UBE2D2: variants seen among roughly 807,000 people sequenced by gnomAD.
The protein encoded by UBE2D2 is ubiquitin conjugating enzyme E2 D2.
A neutral mutation model predicts 24.2 loss-of-function variants in UBE2D2; 2 were observed. The observed-to-expected ratio is 0.08, with a 90% confidence interval of 0.03 to 0.26. The LOEUF is 0.26. UBE2D2 is among the 10% of genes least tolerant of loss of function. The pLI is 1.00. For missense variants in UBE2D2, 44 were observed against 177.6 expected (o/e 0.25, Z 4.28); for synonymous variants, 58 against 56.5 (o/e 1.03, Z -0.12).
intron 1 of UBE2D2, among the ~76,000 whole-genome samples, chr5:139,567,468 C>T (rs989544579): frequency 6.6e-6 from 1 of 151,002 alleles, no homozygotes; most frequent in Non-Finnish European, 1.5e-5. Context: ...ATTTGCCCGC[C>T]TTGGCCTCCC....
chr5:139,533,608 G>A (rs1467827687), intron 1 of UBE2D2, among the ~76,000 whole-genome samples: 3 of 150,970 alleles, frequency 2.0e-5, no homozygotes, highest in African/African-American at 7.3e-5. Context: ...CCAAGATCGC[G>A]CCATTGCACT....
rs1009336536 is a variant in UBE2D2, at chr5:139,586,633, T to C, written c.25-13739T>C. On this transcript the variant is annotated intron_variant, in intron 1 of 6. Coordinates refer to ENST00000398733, the MANE Select transcript of UBE2D2 (RefSeq NM_003339.3). Reference sequence around the variant, plus strand: ...ACAAAAAATTAGCCGGGCGTGGTGGTGGGTGCCTGTAGTCCCAGCTACTCA... The same window carrying C: ...ACAAAAAATTAGCCGGGCGTGGTGGCGGGTGCCTGTAGTCCCAGCTACTCA... Among the ~76,000 whole-genome samples the C allele has an allele frequency of 2.6e-5, 4 of 152,128 alleles. No homozygotes were observed. The East Asian group carries it at 7.7e-4, about 29-fold the overall frequency.
At chr5:139,586,284 T>C (rs1035071379) in intron 1 of UBE2D2, among the ~76,000 whole-genome samples, 3 of 152,086 alleles carry the variant, frequency 2.0e-5, no homozygotes, top group African/African-American at 7.2e-5. Context: ...TAAACTGCAA[T>C]TTATTGGATA....
intron 1 of UBE2D2, 135 bp downstream of exon 1, chr5:139,561,950 T>G: frequency 2.5e-6 from 3 of 1,221,372 alleles, no homozygotes; most frequent in Non-Finnish European, 2.2e-6. Flanking sequence ...GCGGCCTCCA[T>G]ACCCCACTCC....
At chr5:139,601,685 C>T (rs1386319946) in intron 2 of UBE2D2, among the ~76,000 whole-genome samples, 2 of 151,724 alleles carry the variant, frequency 1.3e-5, no homozygotes, top group Non-Finnish European at 2.9e-5. Flanking sequence ...CCGAGGCGGG[C>T]GGATCACGAG....
intron 1 of UBE2D2, among the ~76,000 whole-genome samples, chr5:139,577,127 CTCA>C (rs1418669485): frequency 6.6e-6 from 1 of 151,998 alleles, no homozygotes; most frequent in African/African-American, 2.4e-5. Context: ...CGTGGTCAGA[CTCA>C]TCATTTTGAA....
intron 1 of UBE2D2, among the ~76,000 whole-genome samples, chr5:139,570,211 C>T (rs1377100611): frequency 6.6e-6 from 1 of 152,124 alleles, no homozygotes; most frequent in East Asian, 1.9e-4. Flanking sequence ...GTTAAGGCTA[C>T]GGTGAGCTGT....
intron 1 of UBE2D2, among the ~76,000 whole-genome samples, chr5:139,548,459 C>A (rs1752867031): frequency 6.6e-6 from 1 of 151,988 alleles, no homozygotes; most frequent in Admixed American, 6.6e-5. Flanking sequence ...GCACTGTCAT[C>A]CCAGCCACAA....
intron 1 of UBE2D2, among the ~76,000 whole-genome samples, chr5:139,537,067 C>T (rs1752692851): frequency 6.6e-6 from 1 of 151,736 alleles, no homozygotes; most frequent in Non-Finnish European, 1.5e-5. Context: ...CCTGTAGTCC[C>T]AGCTACTCGG....
chr5:139,593,383 C>G (rs1395600951), intron 1 of UBE2D2, among the ~76,000 whole-genome samples: 1 of 151,958 alleles, frequency 6.6e-6, no homozygotes, highest in Admixed American at 6.6e-5. Context: ...AAGTCCTTAC[C>G]CTTGGGTTAG....
intron 2 of UBE2D2, among the ~76,000 whole-genome samples, chr5:139,609,382 T>C (rs1261057501): frequency 1.3e-5 from 2 of 151,972 alleles, no homozygotes; most frequent in Non-Finnish European, 2.9e-5. Flanking sequence ...ATCTCTTTTT[T>C]TTTTTGAGAT....
chr5:139,574,475 C>G (rs1753425616), intron 1 of UBE2D2, among the ~76,000 whole-genome samples: 1 of 151,796 alleles, frequency 6.6e-6, no homozygotes, highest in Admixed American at 6.6e-5. Flanking sequence ...CACCCCATCC[C>G]CTACCTCCTA....
chr5:139,614,910 G>A lies in UBE2D2; in HGVS notation c.248G>A (p.Ser83Asn). ...CATCCAAATATTAACAGTAATGGCA[G>A]CATTTGTCTTGATATTCTACGATCA... ...IYHPNINSNG[S>N]ICLDILRSQW... The change falls in exon 5 of 7, where the codon AGC becomes AAC. Residue 83 changes from serine to asparagine, a missense_variant. Transcript: ENST00000398733. The A allele has an allele frequency of 6.2e-7, 1 of 1,613,912 alleles. No homozygotes were observed. The highest frequency in any genetic ancestry group is 8.5e-7 in the Non-Finnish European group (1 of 1,179,938).
intron 5 of UBE2D2, among the ~76,000 whole-genome samples, chr5:139,622,218 GTT>G (rs1289999623): frequency 6.6e-6 from 1 of 151,846 alleles, no homozygotes; most frequent in Non-Finnish European, 1.5e-5. Context: ...TCTGCTATTT[GTT>G]TTATTTTATT....
chr5:139,622,776 G>C (rs1754537838), intron 5 of UBE2D2, among the ~76,000 whole-genome samples: 1 of 151,674 alleles, frequency 6.6e-6, no homozygotes, highest in Non-Finnish European at 1.5e-5. Flanking sequence ...TGTAGTCCCA[G>C]CTACTCAGGA....
chr5:139,587,559 G>A (rs1753756494), intron 1 of UBE2D2, among the ~76,000 whole-genome samples: 1 of 151,326 alleles, frequency 6.6e-6, no homozygotes, highest in African/African-American at 2.4e-5. Flanking sequence ...GGCACCACCA[G>A]CAACTTGGGA....
intron 1 of UBE2D2, among the ~76,000 whole-genome samples, chr5:139,582,183 T>G (rs565676891): frequency 6.6e-6 from 1 of 152,166 alleles, no homozygotes; most frequent in Admixed American, 6.5e-5. Context: ...CTCACTATGT[T>G]GTCTAGGCTG....
chr5:139,539,362 C>T (rs1752727387), intron 1 of UBE2D2, among the ~76,000 whole-genome samples: 1 of 151,950 alleles, frequency 6.6e-6, no homozygotes, highest in African/African-American at 2.4e-5. Flanking sequence ...TATATGATTC[C>T]ATTTATATAA....
intron 1 of UBE2D2, among the ~76,000 whole-genome samples, chr5:139,566,554 A>G (rs560463354): frequency 6.6e-6 from 1 of 152,226 alleles, no homozygotes; most frequent in South Asian, 2.1e-4. Flanking sequence ...GGATGGCTGT[A>G]GTCCCAGCTA....
Sources: gnomAD v4.1 joint callset for allele counts (sites outside exome capture counted in the v4.1 genomes callset) on GRCh38, gnomAD v4.1.1 for gene constraint, MANE v1.5 for transcripts, NCBI Gene and HGNC (gene_info 2026-07-23, HGNC 2026-07-21) for gene names.